Variants in AMOTL1 observed in about 807,000 individuals in gnomAD.
AMOTL1 encodes angiomotin-like protein 1.
AMOTL1 carries 45 observed loss-of-function variants against 102.9 expected under a neutral mutation model. That is an observed-to-expected ratio of 0.44 (90% CI 0.34 to 0.56). The LOEUF (loss-of-function observed/expected upper bound fraction) is 0.56. Ranked by LOEUF, AMOTL1 falls within the 20% of genes least tolerant of loss-of-function variation. The pLI is 0.01. For synonymous variants in AMOTL1, 481 were observed against 484.7 expected, an observed-to-expected ratio of 0.99 and a Z score of 0.10; for missense variants, 1,114 against 1,225.6, an observed-to-expected ratio of 0.91 and a Z score of 1.36.
At chr11:94,802,998 T>C (rs1239039106) in intron 3 of AMOTL1, among the ~76,000 whole-genome samples, 2 of 152,192 alleles carry the variant, frequency 1.3e-5, no homozygotes, top group East Asian at 3.9e-4. Flanking sequence ...ATTGTGTACA[T>C]ACGTACAACC....
Position 94,799,911 on chromosome 11 carries a change from A to T in AMOTL1, c.721A>T (p.Ser241Cys), listed in dbSNP as rs1591978488. The T allele has an allele frequency of 6.2e-7, 1 of 1,609,128 alleles. No homozygotes were observed. The highest frequency in any genetic ancestry group is 1.7e-5 in the Admixed American group (1 of 59,732). Residue 241 changes from serine to cysteine, a missense_variant, in exon 3 of 13, where the codon AGT (serine) becomes TGT (cysteine). Ser to Cys is a moderately radical substitution (Grantham distance 112, BLOSUM62 -1). Coordinates refer to ENST00000433060, the MANE Select transcript of AMOTL1 (RefSeq NM_130847.3). The surrounding 1 kb of genome is among the most constrained non-coding windows in gnomAD (Gnocchi z 4.5). ...GAGGCCCACTGTGAACCGTGCCAAC[A>T]GTGGACAGGCGCATAAGGACGAGGC... is the stretch of plus-strand genomic sequence containing the variant. Reference protein sequence around the residue: ...EGRPTVNRANSGQAHKDEALK... With the variant: ...EGRPTVNRANCGQAHKDEALK...
chr11:94,771,854 C>T (rs1950958261), intron 1 of AMOTL1, among the ~76,000 whole-genome samples: 1 of 152,126 alleles, frequency 6.6e-6, no homozygotes, highest in South Asian at 2.1e-4. Context: ...GAGAGTAGCT[C>T]TAAGGTGTTG....
At chr11:94,725,164 G>C (rs897076388) in intron 1 of AMOTL1, among the ~76,000 whole-genome samples, 17 of 152,160 alleles carry the variant, frequency 1.1e-4, no homozygotes, top group African/African-American at 4.1e-4. Flanking sequence ...GCTTGGGGAA[G>C]GAGGCAGGAG....
At chr11:94,822,991 G>T (rs1267788290) in intron 4 of AMOTL1, among the ~76,000 whole-genome samples, 2 of 152,154 alleles carry the variant, frequency 1.3e-5, no homozygotes, top group Admixed American at 1.3e-4. Flanking sequence ...AAGCGTAGGA[G>T]TGTAAACCCC....
At position 94,800,942 on chromosome 11, in the gene AMOTL1, C is replaced by CTGT. The variant is rs1413987491; in HGVS notation, c.1121+631_1121+632insTGT. On this transcript the variant is annotated intron_variant, in intron 3 of 12. Coordinates refer to ENST00000433060, the MANE Select transcript of AMOTL1 (RefSeq NM_130847.3). ...TCCAGTTGATTGATGGATTCAGCAGCACCTACTGAGTGTATGCTGTACTCT... is the reference window on the plus strand; with the variant it reads ...TCCAGTTGATTGATGGATTCAGCAGCTGTACCTACTGAGTGTATGCTGTACTCT... Among the ~76,000 whole-genome samples, 3 of 152,174 alleles carry CTGT rather than the reference C, an allele frequency of 2.0e-5. No homozygotes were observed. The East Asian group carries it at 5.8e-4, about 29-fold the overall frequency.
intron 1 of AMOTL1, among the ~76,000 whole-genome samples, chr11:94,772,259 A>AT (rs1478642948): frequency 1.3e-5 from 2 of 152,042 alleles, no homozygotes. Flanking sequence ...ACTTCTATGC[A>AT]TTTTTTCATG....
intron 6 of AMOTL1, among the ~76,000 whole-genome samples, chr11:94,832,653 C>A (rs1952097026): frequency 6.6e-6 from 1 of 152,170 alleles, no homozygotes; most frequent in African/African-American, 2.4e-5. Flanking sequence ...GAATTACTTG[C>A]TTTTGTAACA....
intron 6 of AMOTL1, among the ~76,000 whole-genome samples, chr11:94,844,391 G>C (rs1279337857): frequency 2.0e-5 from 3 of 152,064 alleles, no homozygotes; most frequent in Non-Finnish European, 4.4e-5. Context: ...GTTGGTTAAG[G>C]ATCAAACCTT....
At chr11:94,732,548 C>T (rs1301236539) in intron 2 of AMOTL1, among the ~76,000 whole-genome samples, 5 of 152,160 alleles carry the variant, frequency 3.3e-5, no homozygotes, top group Admixed American at 2.6e-4. Context: ...CAGTCCCTGA[C>T]ATATGAAACA....
chr11:94,711,161 G>A (rs1950017194), intron 1 of AMOTL1, among the ~76,000 whole-genome samples: 3 of 151,966 alleles, frequency 2.0e-5, no homozygotes, highest in Admixed American at 2.0e-4. Context: ...TTTAATCTGT[G>A]TAATTTTAAT....
intron 1 of AMOTL1, among the ~76,000 whole-genome samples, chr11:94,792,395 C>G (rs1951299736): frequency 1.3e-5 from 2 of 152,176 alleles, no homozygotes; most frequent in African/African-American, 4.8e-5. Flanking sequence ...TGCAGCACAC[C>G]AACATGGCAC....
chr11:94,762,679 T>C (rs1402216666), intron 3 of AMOTL1, among the ~76,000 whole-genome samples: 3 of 152,236 alleles, frequency 2.0e-5, no homozygotes, highest in African/African-American at 7.2e-5. Context: ...TCTGTCTCAG[T>C]CCGGGTCTGA....
chr11:94,771,589 A>G (rs1950952583), intron 1 of AMOTL1, among the ~76,000 whole-genome samples: 1 of 152,038 alleles, frequency 6.6e-6, no homozygotes, highest in Non-Finnish European at 1.5e-5. Flanking sequence ...AAGGAGAGGT[A>G]CAATGTAAAT....
At position 94,750,438 on chromosome 11, in the gene AMOTL1, C is replaced by G. The variant is rs140827610; in HGVS notation, c.136+9450C>G. 4.1e-3 allele frequency among the ~76,000 whole-genome samples: 631 copies of G among 152,342 alleles called. 8 individuals carry two copies. The highest frequency in any genetic ancestry group is 0.014 in the African/African-American group (587 of 41,590). On this transcript the variant is annotated intron_variant, in intron 3 of 4. Coordinates refer to the AMOTL1 transcript ENST00000299004. ...GACTGGTTTCCCAGGGTCCTACTCTCTCCTGGCTGCAGGGATGAGAATGCT... is the reference window on the plus strand; with the variant it reads ...GACTGGTTTCCCAGGGTCCTACTCTGTCCTGGCTGCAGGGATGAGAATGCT...
At position 94,786,541 on chromosome 11, in the gene AMOTL1, C is replaced by G. The variant is rs73514255; in HGVS notation, c.50-8470C>G. Among the ~76,000 whole-genome samples, 677 of 151,714 alleles carry G rather than the reference C, an allele frequency of 4.5e-3. 8 individuals carry two copies. The highest frequency in any genetic ancestry group is 0.015 in the African/African-American group (634 of 41,340). On this transcript the variant is annotated intron_variant, in intron 1 of 12. Coordinates refer to ENST00000433060, the MANE Select transcript of AMOTL1 (RefSeq NM_130847.3). Reference sequence around the variant, plus strand: ...TCTGAAGTGTGAGTTTGTGCTCAAGCTACAGAATCCCTGTGTGGTTGTTAC... The same window carrying G: ...TCTGAAGTGTGAGTTTGTGCTCAAGGTACAGAATCCCTGTGTGGTTGTTAC...
At chr11:94,812,171 A>C (rs1393250323) in intron 3 of AMOTL1, among the ~76,000 whole-genome samples, 1 of 152,256 alleles carries the variant, frequency 6.6e-6, no homozygotes, top group African/African-American at 2.4e-5. Context: ...GTCAAAGTAC[A>C]GGGGAACCAC....
intron 3 of AMOTL1, among the ~76,000 whole-genome samples, chr11:94,801,343 A>G (rs1040317309): frequency 2.0e-5 from 3 of 152,144 alleles, no homozygotes; most frequent in African/African-American, 4.8e-5. Flanking sequence ...GTAAGAAGTG[A>G]CAGGAGATAT....
chr11:94,753,672 G>C (rs1435257506), intron 3 of AMOTL1, among the ~76,000 whole-genome samples: 1 of 152,208 alleles, frequency 6.6e-6, no homozygotes, highest in African/African-American at 2.4e-5. Context: ...ACCCAGCCCT[G>C]TTCTTCTCTA....
At chr11:94,776,662 C>T (rs1011593941) in intron 1 of AMOTL1, among the ~76,000 whole-genome samples, 5 of 152,240 alleles carry the variant, frequency 3.3e-5, no homozygotes, top group African/African-American at 1.2e-4. Flanking sequence ...GCTGCTGCTT[C>T]TCAGCTGTGA....
Sources: gnomAD v4.1 joint callset for allele counts (sites outside exome capture counted in the v4.1 genomes callset) on GRCh38, gnomAD v4.1.1 for gene constraint, Gnocchi (gnomAD v3.1) non-coding constraint, MANE v1.5 for transcripts, NCBI Gene and HGNC (gene_info 2026-07-23, HGNC 2026-07-21) for gene names.